The following CCDC33 variants were observed in gnomAD, a reference collection of about 807,000 sequenced individuals.
CCDC33 encodes the protein coiled-coil domain-containing protein 33.
A neutral mutation model predicts 91.9 loss-of-function variants in CCDC33; 94 were observed. That is an observed-to-expected ratio of 1.02 (90% CI 0.87 to 1.21). The LOEUF (loss-of-function observed/expected upper bound fraction) is 1.21. Among genes scored for constraint, CCDC33 ranks in the 50% most tolerant of loss-of-function variants. The probability of loss-of-function intolerance (pLI) is 0.00; values close to 1 mark genes in which losing one functional copy is unlikely to be tolerated. For synonymous variants in CCDC33, 396 were observed against 374.5 expected, an observed-to-expected ratio of 1.06 and a Z score of -0.66; for missense variants, 940 against 935.5, an observed-to-expected ratio of 1.00 and a Z score of -0.06.
Position 74,316,682 on chromosome 15 carries a change from T to G in CCDC33, c.1291-13507T>G, listed in dbSNP as rs1258818000. Among the ~76,000 whole-genome samples, 2 of 152,006 alleles carry G rather than the reference T, an allele frequency of 1.3e-5. No homozygotes were observed. Among genetic ancestry groups the G allele is most frequent in the African/African-American group, 4.8e-5 (2 of 41,388 alleles). On this transcript the variant is annotated intron_variant, in intron 11 of 18. Transcript: ENST00000398814. This position sits in a 1 kb window ranked among gnomAD's most constrained non-coding sequence, Gnocchi z 4.7. Reference sequence around the variant, plus strand: ...GTGCCATCCAGGGAGGATGGCCGACTCCACCACGGGCCTCCCTTTCATTTC... The same window carrying G: ...GTGCCATCCAGGGAGGATGGCCGACGCCACCACGGGCCTCCCTTTCATTTC...
At chr15:74,323,247 C>T (rs1478922651) in intron 11 of CCDC33, among the ~76,000 whole-genome samples, 2 of 152,096 alleles carry the variant, frequency 1.3e-5, no homozygotes, top group Non-Finnish European at 2.9e-5. Flanking sequence ...TCTGCAGATC[C>T]GGAAACTGCT....
chr15:74,336,149 C>T, downstream of CCDC33: 1 of 1,533,578 alleles, frequency 6.5e-7, no homozygotes, highest in African/African-American at 1.4e-5. Flanking sequence ...TGAGCATTTT[C>T]CTCTTTCCTG....
Position 74,236,753 on chromosome 15 carries a change from G to A in CCDC33, c.21+13G>A. The A allele has an allele frequency of 6.2e-7, 1 of 1,613,612 alleles. No individual in the cohort carries two copies. The highest frequency in any genetic ancestry group is 8.5e-7 in the Non-Finnish European group (1 of 1,179,650). On this transcript the variant is annotated intron_variant, in intron 1 of 18. Transcript: ENST00000398814. ...GAAAAACAAAAAGGTAAGGCCAGGG[G>A]CATGGGCCATGCACCTGCATGAATC... is the stretch of plus-strand genomic sequence containing the variant.
intron 11 of CCDC33, among the ~76,000 whole-genome samples, chr15:74,305,321 C>G (rs1474563978): frequency 6.6e-6 from 1 of 152,218 alleles, no homozygotes; most frequent in East Asian, 1.9e-4. Flanking sequence ...AGGGTGCACC[C>G]TGAGACCCAA....
At chr15:74,266,073 G>A (rs969866167) in intron 3 of CCDC33, among the ~76,000 whole-genome samples, 5 of 152,218 alleles carry the variant, frequency 3.3e-5, no homozygotes, top group Non-Finnish European at 5.9e-5. Flanking sequence ...AGAAAATATA[G>A]TCTCTTTGGA....
chr15:74,222,357 G>A (rs574007664), intron 2 of CCDC33, among the ~76,000 whole-genome samples: 1 of 152,222 alleles, frequency 6.6e-6, no homozygotes, highest in East Asian at 1.9e-4. Flanking sequence ...AGAAGGCCGG[G>A]AACTCCCTCC....
At chr15:74,216,498 C>A (rs72747617), upstream of CCDC33, among the ~76,000 whole-genome samples, 19,845 of 134,970 alleles carry the variant, frequency 0.15, 1,767 homozygotes, top group Middle Eastern at 0.24. Context: ...AGGAAGCCTG[C>A]TGTATACATT....
chr15:74,276,577 G>A (rs2076455939), intron 7 of CCDC33, among the ~76,000 whole-genome samples: 1 of 152,120 alleles, frequency 6.6e-6, no homozygotes. Flanking sequence ...ATTCTCTGAG[G>A]AGCAGCCAGG....
At chr15:74,292,791 A>G (rs1185863088) in intron 10 of CCDC33, among the ~76,000 whole-genome samples, 3 of 152,116 alleles carry the variant, frequency 2.0e-5, no homozygotes, top group Admixed American at 2.0e-4. Flanking sequence ...CACTACAGGA[A>G]GGGTGGCTGG....
In CCDC33 at chr15:74,296,063, C is replaced by T. The variant is rs2059680843; in HGVS notation, c.1290+115C>T. 8.3e-6 allele frequency: 7 copies of T among 845,228 alleles called. No homozygotes were observed. In the South Asian group the frequency reaches 1.3e-4, roughly 16 times the overall value. 52.4% of individuals were successfully genotyped at this position (845,228 alleles called of 1,614,324 possible). A position where few individuals can be genotyped will look rare whatever the true frequency, so the allele number is the denominator to read the frequency against. On this transcript the variant is annotated intron_variant, in intron 11 of 18. Coordinates refer to ENST00000398814, the MANE Select transcript of CCDC33 (RefSeq NM_025055.5). ...CCTCAGGTGGCCAGTAGACCTCCCTCCCCTTAGGCACACTCTGCATGTGAG... is the reference window on the plus strand; with the variant it reads ...CCTCAGGTGGCCAGTAGACCTCCCTTCCCTTAGGCACACTCTGCATGTGAG...
upstream of CCDC33, among the ~76,000 whole-genome samples, chr15:74,215,406 G>A (rs1256411284): frequency 6.6e-6 from 1 of 152,162 alleles, no homozygotes; most frequent in African/African-American, 2.4e-5. Context: ...TTTAATGGGT[G>A]TAGAGTTTCA....
At chr15:74,330,781 A>T in intron 13 of CCDC33, 30 bp downstream of exon 13, 3 of 1,532,556 alleles carry the variant, frequency 2.0e-6, no homozygotes, top group Non-Finnish European at 1.8e-6. Context: ...GGCAGAGGGG[A>T]GGGAGCTATG....
chr15:74,222,581 A>ATG (rs1467084447), intron 2 of CCDC33, among the ~76,000 whole-genome samples: 16 of 148,352 alleles, frequency 1.1e-4, no homozygotes, highest in African/African-American at 4.0e-4. Context: ...TTTTCCCCCA[A>ATG]GGGGAAAAAA....
chr15:74,245,046 GCCT>G (rs1268844567), intron 2 of CCDC33, among the ~76,000 whole-genome samples: 3 of 152,088 alleles, frequency 2.0e-5, no homozygotes, highest in Non-Finnish European at 2.9e-5. Flanking sequence ...TGCCTTCAAA[GCCT>G]CCTCCTCCAG....
chr15:74,261,465 G>A (rs1337748001), intron 2 of CCDC33, among the ~76,000 whole-genome samples: 1 of 152,228 alleles, frequency 6.6e-6, no homozygotes, highest in East Asian at 1.9e-4. Context: ...GTCCTTGAGG[G>A]TGAAACAAGG....
chr15:74,206,750 T>C (rs1476695168), intron 1 of CCDC33, among the ~76,000 whole-genome samples: 1 of 152,190 alleles, frequency 6.6e-6, no homozygotes, highest in Non-Finnish European at 1.5e-5. Flanking sequence ...CAAGAATGAA[T>C]TGACACGTGT....
Position 74,218,955 on chromosome 15 carries a change from G to C in CCDC33, c.675+94G>C. 1.7e-6 allele frequency: 2 copies of C among 1,147,850 alleles called. No homozygotes were observed. The highest frequency in any genetic ancestry group is 1.1e-6 in the Non-Finnish European group (1 of 905,014). 71.1% of individuals were successfully genotyped at this position (1,147,850 alleles called of 1,614,324 possible). A position where few individuals can be genotyped will look rare whatever the true frequency, so the allele number is the denominator to read the frequency against. ...GCCAGGCTACCCCCTGTCCTGAGCT[G>C]AGCTGAGCAGAGCAGCAGAGCTCCC... On this transcript the variant is annotated intron_variant, in intron 2 of 2. Coordinates refer to the CCDC33 transcript ENST00000635913. This position sits in a 1 kb window ranked among gnomAD's most constrained non-coding sequence, Gnocchi z 4.8.
At chr15:74,318,807 C>T in intron 11 of CCDC33, 1 of 629,534 alleles carries the variant, frequency 1.6e-6, no homozygotes, top group Non-Finnish European at 2.8e-6. Flanking sequence ...GGGCTTTGGC[C>T]CTTAGATGCC....
intron 15 of CCDC33, among the ~76,000 whole-genome samples, 162 bp downstream of exon 15, chr15:74,331,458 C>G (rs962834859): frequency 6.6e-6 from 1 of 152,192 alleles, no homozygotes; most frequent in African/African-American, 2.4e-5. Context: ...TGCTCCCCTC[C>G]TCATTCAGGC....
Sources: gnomAD v4.1 joint callset for allele counts (sites outside exome capture counted in the v4.1 genomes callset) on GRCh38, gnomAD v4.1.1 for gene constraint, Gnocchi (gnomAD v3.1) non-coding constraint, MANE v1.5 for transcripts, NCBI Gene and HGNC (gene_info 2026-07-23, HGNC 2026-07-21) for gene names.